The following TENM3 variants were observed in gnomAD, a reference collection of about 807,000 sequenced individuals.
TENM3 encodes the protein teneurin transmembrane protein 3.
TENM3 carries 63 observed loss-of-function variants against 255.1 expected under a neutral mutation model. The observed-to-expected ratio is 0.25, with a 90% CI of 0.20 to 0.30. The LOEUF (loss-of-function observed/expected upper bound fraction) is 0.30, where lower values mean the gene tolerates loss of function less well. Ranked by LOEUF, TENM3 falls within the 10% of genes least tolerant of loss-of-function variation. TENM3 has a pLI of 1.00. For synonymous variants in TENM3, 1,306 were observed against 1,322.3 expected (o/e 0.99, Z 0.27); for missense variants, 2,929 against 3,461.1 (o/e 0.85, Z 3.86).
intron 3 of TENM3, among the ~76,000 whole-genome samples, chr4:182,384,312 T>TTG (rs1311392326): frequency 7.1e-4 from 2 of 2,808 alleles, no homozygotes; most frequent in African/African-American, 2.0e-3. Flanking sequence ...TGTGGTTCAG[T>TTG]TTTTTTTTTT....
intron 1 of TENM3, among the ~76,000 whole-genome samples, chr4:182,186,520 A>G (rs1318594721): frequency 6.6e-6 from 1 of 151,384 alleles, no homozygotes; most frequent in Non-Finnish European, 1.5e-5. Context: ...GGAGAAGATC[A>G]CTTACTTTGC....
the TENM3 span, among the ~76,000 whole-genome samples, chr4:181,777,670 T>C: frequency 6.6e-6 from 1 of 152,172 alleles, no homozygotes; most frequent in Non-Finnish European, 1.5e-5. Flanking sequence ...GGGGTGAACA[T>C]ATGCTGATTC....
At chr4:181,470,186 A>C in the TENM3 span, among the ~76,000 whole-genome samples, 1 of 151,718 alleles carries the variant, frequency 6.6e-6, no homozygotes, top group African/African-American at 2.4e-5. Flanking sequence ...GTAAGATCAA[A>C]TCAGGAATTT....
At chr4:182,460,941 G>A (rs533493797) in intron 3 of TENM3, among the ~76,000 whole-genome samples, 1 of 152,166 alleles carries the variant, frequency 6.6e-6, no homozygotes, top group African/African-American at 2.4e-5. Flanking sequence ...GGGAATTTAC[G>A]CAGCATTTGT....
In TENM3 at chr4:182,513,661, C is replaced by T. The variant is rs555387193; in HGVS notation, c.512-87263C>T. ...AATTCAGGTGACAGATGTGGAGGAA[C>T]TGTGTTTCTTATTTCCTGCGTTTTG... On this transcript the variant is annotated intron_variant, in intron 3 of 27. Transcript: ENST00000511685. Among the ~76,000 whole-genome samples, 4 of 152,304 alleles carry T rather than the reference C, an allele frequency of 2.6e-5. No individual in the cohort carries two copies. In the East Asian group the frequency reaches 7.7e-4, roughly 29 times the overall value.
In TENM3 at chr4:182,738,227, T is replaced by TA. The variant is rs562633396; in HGVS notation, c.3236-165dup. Reference sequence around the variant, plus strand: ...AAAATAATATTTGGAGATCTTTTTTTAAAAAAAAATCTTTGGTGAAATCTT... The same window carrying TA: ...AAAATAATATTTGGAGATCTTTTTTTAAAAAAAAAATCTTTGGTGAAATCTT... On this transcript the variant is annotated intron_variant, in intron 17 of 27. Coordinates refer to ENST00000511685, the MANE Select transcript of TENM3 (RefSeq NM_001080477.4). Among the ~76,000 whole-genome samples the TA allele has an allele frequency of 3.5e-3, 535 of 151,884 alleles. 4 individuals are homozygous for TA. Among genetic ancestry groups the TA allele is most frequent in the African/African-American group, 0.012 (511 of 41,410 alleles).
the TENM3 span, among the ~76,000 whole-genome samples, chr4:182,027,631 T>C: frequency 6.6e-6 from 1 of 151,892 alleles, no homozygotes; most frequent in Non-Finnish European, 1.5e-5. Flanking sequence ...GCTTTTATTA[T>C]GCATGTTCCT....
At chr4:182,489,845 CCTTCCTTTT>C (rs34109697) in intron 3 of TENM3, among the ~76,000 whole-genome samples, 3,565 of 52,956 alleles carry the variant, frequency 0.067, 135 homozygotes, top group African/African-American at 0.17. Flanking sequence ...CTTCCTCCCT[CCTTCCTTTT>C]CTTCCCTTCC....
chr4:182,800,204 G>T lies in TENM3; in HGVS notation c.7953G>T (p.Thr2651=), dbSNP rs767130832. The change falls in exon 28 of 28, where the codon ACG becomes ACT. Residue 2651 remains threonine, a synonymous_variant. Coordinates refer to ENST00000511685, the MANE Select transcript of TENM3 (RefSeq NM_001080477.4). ...RDGEEGARLW[T]EGEKRQLLSA... Reference sequence around the variant, plus strand: ...GCGAGGAGGGCGCGCGCCTCTGGACGGAGGGCGAGAAGCGGCAGCTGCTGA... The same window carrying T: ...GCGAGGAGGGCGCGCGCCTCTGGACTGAGGGCGAGAAGCGGCAGCTGCTGA... 17 of 1,589,288 alleles carry T rather than the reference G, an allele frequency of 1.1e-5. No homozygotes were observed. Among genetic ancestry groups the T allele is most frequent in the Non-Finnish European group, 1.4e-5 (17 of 1,175,742 alleles).
the TENM3 span, among the ~76,000 whole-genome samples, chr4:182,066,699 A>G: frequency 6.6e-6 from 1 of 151,628 alleles, no homozygotes; most frequent in East Asian, 1.9e-4. Context: ...TCACAAGGTC[A>G]GGAGATCGAG....
chr4:182,112,345 A>G, the TENM3 span, among the ~76,000 whole-genome samples: 2 of 152,014 alleles, frequency 1.3e-5, no homozygotes, highest in South Asian at 2.1e-4. Context: ...CCCTCCCCTC[A>G]TCACCTTGTG....
the TENM3 span, among the ~76,000 whole-genome samples, chr4:181,928,993 A>C: frequency 2.6e-5 from 4 of 152,198 alleles, no homozygotes; most frequent in African/African-American, 9.7e-5. Context: ...AGATTTTGTC[A>C]CCACTAGGCC....
chr4:182,565,188 T>G (rs1188576291), intron 3 of TENM3, among the ~76,000 whole-genome samples: 1 of 152,192 alleles, frequency 6.6e-6, no homozygotes, highest in Non-Finnish European at 1.5e-5. Flanking sequence ...CTATTCCTGG[T>G]GAATCATAGT....
chr4:181,751,559 T>C, the TENM3 span, among the ~76,000 whole-genome samples: 3 of 152,094 alleles, frequency 2.0e-5, no homozygotes, highest in African/African-American at 7.2e-5. Flanking sequence ...CGATTACACA[T>C]TGTCGGAGTC....
chr4:181,548,203 A>T, the TENM3 span, among the ~76,000 whole-genome samples: 1 of 152,134 alleles, frequency 6.6e-6, no homozygotes, highest in Non-Finnish European at 1.5e-5. Context: ...ACATTTTTAC[A>T]CTGTTAGTGG....
chr4:181,979,341 C>G, the TENM3 span, among the ~76,000 whole-genome samples: 10 of 151,140 alleles, frequency 6.6e-5, no homozygotes, highest in African/African-American at 2.2e-4. Context: ...GTTTATATTT[C>G]AAAGTTATTA....
rs537020688 is a variant in TENM3, at chr4:182,390,711, T to C, written c.511+43782T>C. On this transcript the variant is annotated intron_variant, in intron 3 of 27. Coordinates refer to ENST00000511685, the MANE Select transcript of TENM3 (RefSeq NM_001080477.4). Reference sequence around the variant, plus strand: ...CGAGGCACACTGCCGTCCCCATCTCTCCACCCTTCAGCACCTTGTCAGTTT... The same window carrying C: ...CGAGGCACACTGCCGTCCCCATCTCCCCACCCTTCAGCACCTTGTCAGTTT... 5.6e-4 allele frequency among the ~76,000 whole-genome samples: 85 copies of C among 152,306 alleles called. 1 individual carries two copies. The highest frequency in any genetic ancestry group is 1.9e-3 in the African/African-American group (79 of 41,582).
chr4:182,725,450 A>G (rs1472133577), intron 13 of TENM3, among the ~76,000 whole-genome samples: 1 of 152,062 alleles, frequency 6.6e-6, no homozygotes, highest in Non-Finnish European at 1.5e-5. Flanking sequence ...AATGTTTTAC[A>G]TTATTATTAT....
chr4:182,251,454 C>A (rs1047927369), intron 1 of TENM3, among the ~76,000 whole-genome samples: 1 of 152,140 alleles, frequency 6.6e-6, no homozygotes, highest in African/African-American at 2.4e-5. Context: ...GGTGACACAG[C>A]GAGACCCTGT....
Sources: allele counts gnomAD v4.1 joint callset (sites outside exome capture counted in the v4.1 genomes callset), GRCh38; gene constraint gnomAD v4.1.1; transcripts MANE v1.5; gene names NCBI Gene and HGNC (gene_info 2026-07-23, HGNC 2026-07-21).